NRG3: variants seen among roughly 807,000 people sequenced by gnomAD.
NRG3 encodes pro-neuregulin-3, membrane-bound isoform.
In NRG3, 31 loss-of-function variants were observed where a neutral mutation model predicts 66.9. The observed-to-expected ratio is 0.46, with a 90% CI of 0.35 to 0.63. NRG3 has a LOEUF of 0.63. Ranked by LOEUF, NRG3 falls within the 20% of genes least tolerant of loss-of-function variation. The pLI is 0.00. For synonymous variants in NRG3, 393 were observed against 359.4 expected (o/e 1.09, Z -1.06); for missense variants, 910 against 878.9 (o/e 1.04, Z -0.45).
chr10:82,279,718 G>A (rs2079037148), intron 1 of NRG3, among the ~76,000 whole-genome samples: 1 of 152,184 alleles, frequency 6.6e-6, no homozygotes. Flanking sequence ...AAACAAATAT[G>A]TGAGGCTGTC....
At chr10:82,880,147 G>A (rs1053546251) in intron 4 of NRG3, among the ~76,000 whole-genome samples, 6 of 151,986 alleles carry the variant, frequency 3.9e-5, no homozygotes, top group African/African-American at 9.7e-5. Context: ...CTTCACAGGA[G>A]TTATCACATT....
At chr10:81,981,748 T>C (rs962496253) in intron 1 of NRG3, among the ~76,000 whole-genome samples, 2 of 152,210 alleles carry the variant, frequency 1.3e-5, no homozygotes, top group Non-Finnish European at 1.5e-5. Flanking sequence ...GGATAACATA[T>C]GTTTACAGCC....
intron 2 of NRG3, among the ~76,000 whole-genome samples, chr10:82,416,243 C>T (rs907511025): frequency 2.6e-5 from 4 of 152,178 alleles, no homozygotes; most frequent in African/African-American, 9.6e-5. Context: ...TGGAATGTCT[C>T]TTCTAACTGA....
intron 1 of NRG3, among the ~76,000 whole-genome samples, chr10:81,918,911 T>TA (rs1488250907): frequency 2.6e-5 from 4 of 151,930 alleles, no homozygotes; most frequent in African/African-American, 9.7e-5. Flanking sequence ...ATCTGGTGTT[T>TA]AACAACACAT....
intron 3 of NRG3, among the ~76,000 whole-genome samples, chr10:82,774,826 T>C (rs949998579): frequency 2.3e-4 from 31 of 137,248 alleles, no homozygotes; most frequent in East Asian, 1.0e-3. Context: ...TTTTTCTTTT[T>C]TTTTTTTTTT....
intron 2 of NRG3, among the ~76,000 whole-genome samples, chr10:82,495,153 T>C (rs760581014): frequency 6.6e-6 from 1 of 151,982 alleles, no homozygotes; most frequent in Non-Finnish European, 1.5e-5. Context: ...GCCAGGCTAG[T>C]TTCAAACTCC....
intron 3 of NRG3, among the ~76,000 whole-genome samples, chr10:82,778,119 G>A (rs1439813262): frequency 6.6e-6 from 1 of 152,174 alleles, no homozygotes; most frequent in Non-Finnish European, 1.5e-5. Context: ...GATTGCTTCA[G>A]GCACTGAGCG....
rs370673851 is a variant in NRG3, at chr10:82,542,094, C to T, written c.953+183226C>T. ...CCCTTTCCCTCTACCCACTGACAGG[C>T]CCCAGTGTGTGGTGTTCCCCTCTCT... On this transcript the variant is annotated intron_variant, in intron 2 of 8. Coordinates refer to ENST00000372141, the MANE Select transcript of NRG3 (RefSeq NM_001010848.4). 4.6e-5 allele frequency among the ~76,000 whole-genome samples: 7 copies of T among 152,256 alleles called. No homozygotes were observed. The East Asian group carries it at 7.7e-4, about 17-fold the overall frequency.
intron 1 of NRG3, among the ~76,000 whole-genome samples, chr10:81,981,708 C>A (rs1160946199): frequency 1.3e-5 from 2 of 152,086 alleles, no homozygotes; most frequent in Non-Finnish European, 2.9e-5. Flanking sequence ...TGAATAGCTT[C>A]TGGGGTCATT....
In NRG3 at chr10:82,531,005, A is replaced by G. The variant is rs569387794; in HGVS notation, c.953+172137A>G. Among the ~76,000 whole-genome samples the G allele has an allele frequency of 5.9e-5, 9 of 151,966 alleles. No individual in the cohort carries two copies. The South Asian group carries it at 1.5e-3, about 24-fold the overall frequency. On this transcript the variant is annotated intron_variant, in intron 2 of 8. Transcript: ENST00000372141. The stretch of plus-strand genomic sequence containing the variant: ...GTACTGTAAATTGAAGTAAAAATGT[A>G]TTTATGAAAATATTTGGACTGAAAC...
At chr10:82,980,264 G>T (rs995257723) in intron 8 of NRG3, among the ~76,000 whole-genome samples, 7 of 152,054 alleles carry the variant, frequency 4.6e-5, no homozygotes, top group African/African-American at 1.7e-4. Context: ...CCTGAAGATT[G>T]TTGGGCAGAT....
intron 4 of NRG3, among the ~76,000 whole-genome samples, chr10:82,940,592 A>G (rs2132259712): frequency 6.6e-6 from 1 of 152,276 alleles, no homozygotes; most frequent in East Asian, 1.9e-4. Flanking sequence ...CCTACACTGC[A>G]TAGCTTATAA....
At chr10:82,704,155 T>C (rs2056113036) in intron 2 of NRG3, among the ~76,000 whole-genome samples, 1 of 152,188 alleles carries the variant, frequency 6.6e-6, no homozygotes, top group African/African-American at 2.4e-5. Flanking sequence ...TGTAAACATG[T>C]TAGAACCTTG....
chr10:82,362,331 ATATGTG>A (rs938153549), intron 2 of NRG3, among the ~76,000 whole-genome samples: 5 of 123,774 alleles, frequency 4.0e-5, no homozygotes, highest in African/African-American at 1.1e-4. Flanking sequence ...GTGTATATAT[ATATGTG>A]TGTGTGTGTG....
intron 1 of NRG3, among the ~76,000 whole-genome samples, chr10:82,200,775 GAACT>G (rs1170906361): frequency 6.6e-6 from 1 of 152,064 alleles, no homozygotes; most frequent in Non-Finnish European, 1.5e-5. Context: ...CTTTTTGGGT[GAACT>G]AACACTTAGG....
intron 1 of NRG3, among the ~76,000 whole-genome samples, chr10:82,026,572 G>A (rs982044359): frequency 1.3e-5 from 2 of 151,868 alleles, no homozygotes; most frequent in African/African-American, 4.8e-5. Context: ...TTTTGGTAAT[G>A]TATTTTTATG....
chr10:82,401,190 GA>G (rs2087075409), intron 2 of NRG3, among the ~76,000 whole-genome samples: 1 of 152,066 alleles, frequency 6.6e-6, no homozygotes, highest in Non-Finnish European at 1.5e-5. Context: ...CTAGAAGACT[GA>G]AGAAGATTTT....
intron 1 of NRG3, among the ~76,000 whole-genome samples, chr10:82,133,299 G>A (rs1441972138): frequency 6.6e-6 from 1 of 152,016 alleles, no homozygotes; most frequent in Non-Finnish European, 1.5e-5. Flanking sequence ...ATATGTGAAG[G>A]TTTGTTACAT....
chr10:82,201,149 G>T (rs1033321293), intron 1 of NRG3, among the ~76,000 whole-genome samples: 2 of 137,742 alleles, frequency 1.5e-5, no homozygotes, highest in Middle Eastern at 4.5e-3. Context: ...GGTGAGCCAA[G>T]ATCGCACCAG....
Sources: allele counts gnomAD v4.1 joint callset (sites outside exome capture counted in the v4.1 genomes callset), GRCh38; gene constraint gnomAD v4.1.1; transcripts MANE v1.5; gene names NCBI Gene and HGNC (gene_info 2026-07-23, HGNC 2026-07-21).